The following ADGRL2 variants were observed in gnomAD, a reference collection of about 807,000 sequenced individuals.
ADGRL2 encodes adhesion G protein-coupled receptor L2.
Under a neutral mutation model 157.4 loss-of-function variants are expected in ADGRL2, and 44 were observed. That is an observed-to-expected ratio of 0.28 (90% CI 0.22 to 0.36). ADGRL2 has a LOEUF of 0.36. ADGRL2 is among the 10% of genes least tolerant of loss of function. The pLI, the probability that ADGRL2 is intolerant of heterozygous loss-of-function variation, is 1.00. For synonymous variants in ADGRL2, 585 were observed against 624.7 expected, an observed-to-expected ratio of 0.94 and a Z score of 0.95; for missense variants, 1,510 against 1,768.9, an observed-to-expected ratio of 0.85 and a Z score of 2.63.
intron 1 of ADGRL2, among the ~76,000 whole-genome samples, chr1:81,432,608 T>G (rs1262878545): frequency 6.6e-6 from 1 of 152,168 alleles, no homozygotes. Context: ...TGTTTTTGTT[T>G]GTGATTGGGT....
chr1:81,921,047 C>A (rs1200038418), intron 3 of ADGRL2, among the ~76,000 whole-genome samples: 2 of 152,004 alleles, frequency 1.3e-5, no homozygotes, highest in African/African-American at 4.8e-5. Context: ...AAAGGTTTTG[C>A]CTTGCCTTGG....
intron 18 of ADGRL2, among the ~76,000 whole-genome samples, chr1:81,981,546 G>A (rs553861991): frequency 3.3e-5 from 5 of 151,876 alleles, no homozygotes; most frequent in Non-Finnish European, 5.9e-5. Context: ...TATGTTACAC[G>A]TTGTATTTTA....
At chr1:81,708,648 A>G (rs982482139) in intron 1 of ADGRL2, among the ~76,000 whole-genome samples, 1 of 150,946 alleles carries the variant, frequency 6.6e-6, no homozygotes, top group African/African-American at 2.4e-5. Flanking sequence ...ACATATATAT[A>G]TATATATACA....
intron 1 of ADGRL2, chr1:81,722,738 A>T (rs2084375570): frequency 2.2e-6 from 2 of 898,734 alleles, no homozygotes; most frequent in Non-Finnish European, 3.7e-6. Context: ...CAAAGAATAG[A>T]AAGAGTTAAG....
At chr1:81,455,625 G>T (rs1403110303) in intron 2 of ADGRL2, among the ~76,000 whole-genome samples, 1 of 152,144 alleles carries the variant, frequency 6.6e-6, no homozygotes, top group South Asian at 2.1e-4. Context: ...TTTTCTCCCT[G>T]TAGGAGTTGA....
intron 2 of ADGRL2, among the ~76,000 whole-genome samples, chr1:81,874,768 C>G (rs2093793046): frequency 6.6e-6 from 1 of 151,804 alleles, no homozygotes; most frequent in Non-Finnish European, 1.5e-5. Context: ...TACAGTGGCA[C>G]CATCTCAGCT....
Position 81,895,393 on chromosome 1 carries a change from CTTTTTTTTTTT to C in ADGRL2, c.74-11612_74-11602del, listed in dbSNP as rs34557038. The stretch of plus-strand genomic sequence containing the variant: ...CTCATGTGATTCAATTTAAATGTAT[CTTTTTTTTTTT>C]TTTTTTTTTTTGAGATGGAGTTTCA... On this transcript the variant is annotated intron_variant, in intron 2 of 23. Coordinates refer to ENST00000686636, the MANE Select transcript of ADGRL2 (RefSeq NM_001366006.2). Among the ~76,000 whole-genome samples the C allele has an allele frequency of 4.1e-5, 4 of 97,590 alleles. No individual in the cohort carries two copies. The South Asian group carries it at 1.1e-3, about 28-fold the overall frequency. 64.0% of individuals were successfully genotyped at this position (97,590 alleles called of 152,430 possible). A position where few individuals can be genotyped will look rare whatever the true frequency, so the allele number is the denominator to read the frequency against.
chr1:81,437,287 CA>C (rs35785361), intron 1 of ADGRL2, among the ~76,000 whole-genome samples: 11,856 of 151,344 alleles, frequency 0.078, 1,201 homozygotes, highest in East Asian at 0.58. Context: ...ACTGTTTTTA[CA>C]AAAAAAAGGA....
At chr1:81,557,474 G>GAAGAAAGAAAT (rs1557458813) in intron 2 of ADGRL2, 1 of 53,358 alleles carries the variant, frequency 1.9e-5, no homozygotes, top group Non-Finnish European at 3.7e-5. Context: ...AAAGAAGAAA[G>GAAGAAAGAAAT]AAAGAAAGAA....
At chr1:81,743,760 A>G (rs1288355659) in intron 1 of ADGRL2, among the ~76,000 whole-genome samples, 1 of 152,070 alleles carries the variant, frequency 6.6e-6, no homozygotes, top group Non-Finnish European at 1.5e-5. Context: ...GTAACCACAT[A>G]TATGTGGTGA....
intron 2 of ADGRL2, among the ~76,000 whole-genome samples, chr1:81,537,981 T>C (rs2079785474): frequency 6.6e-6 from 1 of 152,210 alleles, no homozygotes; most frequent in Admixed American, 6.5e-5. Context: ...ATTACAGGTA[T>C]GAGCCACCAT....
chr1:81,653,618 G>A (rs879416156), intron 3 of ADGRL2, among the ~76,000 whole-genome samples: 1 of 152,010 alleles, frequency 6.6e-6, no homozygotes, highest in African/African-American at 2.4e-5. Flanking sequence ...ACATCCATTG[G>A]GGCATAGGGA....
chr1:81,956,930 G>C (rs1653681145), intron 11 of ADGRL2, among the ~76,000 whole-genome samples: 2 of 151,956 alleles, frequency 1.3e-5, no homozygotes, highest in African/African-American at 4.8e-5. Context: ...TTGTGCCTGC[G>C]TAAGTCATGA....
chr1:81,412,830 T>G (rs530340797), intron 1 of ADGRL2, among the ~76,000 whole-genome samples: 17 of 152,314 alleles, frequency 1.1e-4, no homozygotes, highest in African/African-American at 4.1e-4. Context: ...CAGTCCAATG[T>G]GTGTGCCAGT....
intron 1 of ADGRL2, among the ~76,000 whole-genome samples, chr1:81,752,311 T>C (rs1211529814): frequency 1.3e-5 from 2 of 152,214 alleles, no homozygotes; most frequent in Non-Finnish European, 2.9e-5. Flanking sequence ...TACATTTCTC[T>C]TGTTTATAAG....
At chr1:81,781,561 T>C (rs763432843) in intron 2 of ADGRL2, among the ~76,000 whole-genome samples, 2 of 152,174 alleles carry the variant, frequency 1.3e-5, no homozygotes, top group Non-Finnish European at 2.9e-5. Flanking sequence ...CCAACATCTC[T>C]ACATCAGAAT....
At chr1:81,763,046 T>TA (rs748864220) in intron 2 of ADGRL2, among the ~76,000 whole-genome samples, 10,846 of 73,556 alleles carry the variant, frequency 0.15, 1,252 homozygotes, top group East Asian at 0.53. Flanking sequence ...AGACTCCGTC[T>TA]AAAAAAAAAA....
chr1:81,751,022 TG>T (rs1282901261), intron 1 of ADGRL2, among the ~76,000 whole-genome samples: 1 of 152,086 alleles, frequency 6.6e-6, no homozygotes, highest in Non-Finnish European at 1.5e-5. Flanking sequence ...ATTCCAGGGC[TG>T]GGGCATGAAA....
intron 2 of ADGRL2, among the ~76,000 whole-genome samples, chr1:81,883,474 A>T (rs1174833849): frequency 6.6e-6 from 1 of 152,172 alleles, no homozygotes; most frequent in Non-Finnish European, 1.5e-5. Flanking sequence ...TATTTCCAAG[A>T]CACTTTGTAG....
Sources: allele counts gnomAD v4.1 joint callset (sites outside exome capture counted in the v4.1 genomes callset), GRCh38; gene constraint gnomAD v4.1.1; transcripts MANE v1.5; gene names NCBI Gene and HGNC (gene_info 2026-07-23, HGNC 2026-07-21).